Variants in OXNAD1 observed in about 807,000 individuals in gnomAD.
The protein encoded by OXNAD1 is oxidoreductase NAD-binding domain-containing protein 1.
OXNAD1 carries 34 observed loss-of-function variants against 32.9 expected under a neutral mutation model. The ratio of observed to expected loss-of-function variants is 1.03; its 90% CI spans 0.79 to 1.38. The LOEUF is 1.38. Ranked by LOEUF, OXNAD1 falls within the 40% of genes most tolerant of loss-of-function variation. OXNAD1 has a pLI of 0.00. For missense variants in OXNAD1, 407 were observed against 379.4 expected (o/e 1.07, Z -0.60); for synonymous variants, 134 against 135.2 (o/e 0.99, Z 0.06).
rs1390395522 is a variant in OXNAD1 at position 16,329,853 on chromosome 3, G to A, written c.*31-7259G>A. 6.6e-6 allele frequency among the ~76,000 whole-genome samples: 1 copy of A among 152,136 alleles called. No individual in the cohort carries two copies. The highest frequency in any genetic ancestry group is 1.5e-5 in the Non-Finnish European group (1 of 68,034). ...TTGGCGCCTCACAAAGCCCTGAGTGGCAGAATGGAGTCCTTTTATTGGTGG... is the reference window on the plus strand; with the variant it reads ...TTGGCGCCTCACAAAGCCCTGAGTGACAGAATGGAGTCCTTTTATTGGTGG... On this transcript the variant is annotated intron_variant, in intron 9 of 9. Transcript: ENST00000435829. This position sits in a 1 kb window ranked among gnomAD's most constrained non-coding sequence, Gnocchi z 4.5.
In OXNAD1 at chr3:16,271,288, C is replaced by A; in HGVS notation, c.119+217C>A. The A allele has an allele frequency of 1.7e-6, 1 of 581,042 alleles. No individual in the cohort carries two copies. Among genetic ancestry groups the A allele is most frequent in the Non-Finnish European group, 3.0e-6 (1 of 335,440 alleles). 36.0% of individuals were successfully genotyped at this position (581,042 alleles called of 1,614,324 possible). A position where few individuals can be genotyped will look rare whatever the true frequency, so the allele number is the denominator to read the frequency against. Reference sequence around the variant, plus strand: ...GCACGATCTTAGCTCACTGCAACCTCCACCTCCTGGATTCAAGTGATTCTC... The same window carrying A: ...GCACGATCTTAGCTCACTGCAACCTACACCTCCTGGATTCAAGTGATTCTC... On this transcript the variant is annotated intron_variant, in intron 3 of 8. Transcript: ENST00000285083. The surrounding 1 kb of genome is among the most constrained non-coding windows in gnomAD (Gnocchi z 4.6).
At chr3:16,292,087 T>C (rs1444804262) in intron 5 of OXNAD1, among the ~76,000 whole-genome samples, 1 of 152,172 alleles carries the variant, frequency 6.6e-6, no homozygotes, top group African/African-American at 2.4e-5. Context: ...GTCTCTTTAT[T>C]ACTGAGTTGT....
intron 6 of OXNAD1, among the ~76,000 whole-genome samples, chr3:16,295,624 CGTT>C (rs1389303737): frequency 1.3e-5 from 2 of 152,282 alleles, no homozygotes; most frequent in East Asian, 1.9e-4. Flanking sequence ...ATCAGTTACT[CGTT>C]GTCTTAGTTT....
downstream of OXNAD1, among the ~76,000 whole-genome samples, chr3:16,341,435 C>T (rs943726844): frequency 6.6e-6 from 1 of 152,110 alleles, no homozygotes; most frequent in African/African-American, 2.4e-5. The surrounding 1 kb of genome is among the most constrained non-coding windows in gnomAD (Gnocchi z 4.7). Context: ...AGAGAAACTG[C>T]AGTGGAACCA....
chr3:16,282,300 A>G (rs557914357), intron 4 of OXNAD1, among the ~76,000 whole-genome samples: 3 of 150,390 alleles, frequency 2.0e-5, no homozygotes, highest in Non-Finnish European at 4.4e-5. Context: ...CTCTCCCTGA[A>G]CTCTCCCATA....
chr3:16,351,821 A>G (rs1317143852), downstream of OXNAD1, among the ~76,000 whole-genome samples: 1 of 152,212 alleles, frequency 6.6e-6, no homozygotes, highest in African/African-American at 2.4e-5. This position sits in a 1 kb window ranked among gnomAD's most constrained non-coding sequence, Gnocchi z 5.4. Context: ...AAGAACAATC[A>G]CTAAAAAGTA....
At position 16,317,125 on chromosome 3, in the gene OXNAD1, GTTC is replaced by G. The variant is rs1559795642; in HGVS notation, c.*30+13538_*30+13540del. 1.2e-6 allele frequency: 2 copies of G among 1,613,806 alleles called. No homozygotes were observed. The highest frequency in any genetic ancestry group is 1.7e-6 in the Non-Finnish European group (2 of 1,179,976). On this transcript the variant is annotated intron_variant, in intron 9 of 9. Coordinates refer to the OXNAD1 transcript ENST00000435829. This position sits in a 1 kb window ranked among gnomAD's most constrained non-coding sequence, Gnocchi z 4.3. ...CAGCTTTGGAAGACTGGTCTTCTAA[GTTC>G]TTCTCATTTTCTTCTGCTTGTTGTT... is the stretch of plus-strand genomic sequence containing the variant.
Position 16,289,806 on chromosome 3 carries a change from T to G in OXNAD1, c.290+3358T>G, listed in dbSNP as rs532429667. Among the ~76,000 whole-genome samples, 3 of 152,356 alleles carry G rather than the reference T, an allele frequency of 2.0e-5. No homozygotes were observed. Among genetic ancestry groups the G allele is most frequent in the African/African-American group, 7.2e-5 (3 of 41,576 alleles). On this transcript the variant is annotated intron_variant, in intron 5 of 8. Transcript: ENST00000285083. The surrounding 1 kb of genome is among the most constrained non-coding windows in gnomAD (Gnocchi z 4.9). Reference sequence around the variant, plus strand: ...TTCCTGTACTCCTGGTAGAATTGACTCCTCCTTCCTCTGCCTTGCCTCGCT... The same window carrying G: ...TTCCTGTACTCCTGGTAGAATTGACGCCTCCTTCCTCTGCCTTGCCTCGCT...
Position 16,269,206 on chromosome 3 carries a change from A to G in OXNAD1, c.-78A>G, listed in dbSNP as rs1316768672. 2.6e-6 allele frequency: 4 copies of G among 1,533,832 alleles called. No individual in the cohort carries two copies. Among genetic ancestry groups the G allele is most frequent in the Non-Finnish European group, 3.5e-6 (4 of 1,146,278 alleles). On this transcript the variant is annotated 5_prime_UTR_variant, in exon 2 of 9. Transcript: ENST00000285083. Reference sequence around the variant, plus strand: ...CATCCAAAAGTCTCAGTGTAATAGCAGGACCAAAATATTCTGTCAATCAGC... The same window carrying G: ...CATCCAAAAGTCTCAGTGTAATAGCGGGACCAAAATATTCTGTCAATCAGC...
chr3:16,344,300 A>C lies in OXNAD1; in HGVS notation c.*31-4876A>C, dbSNP rs547174908. ...GAAGTCAGGGAAACCTACTCAAAAA[A>C]GAAAGTGGATTAGATCAGTAATTTT... On this transcript the variant is annotated intron_variant, in intron 9 of 9. Coordinates refer to the OXNAD1 transcript ENST00000606098. This position sits in a 1 kb window ranked among gnomAD's most constrained non-coding sequence, Gnocchi z 4.4. 6.6e-6 allele frequency among the ~76,000 whole-genome samples: 1 copy of C among 152,118 alleles called. No homozygotes were observed. The highest frequency in any genetic ancestry group is 1.9e-4 in the East Asian group (1 of 5,184).
Position 16,322,509 on chromosome 3 carries a change from T to C in OXNAD1, c.*31-14603T>C, listed in dbSNP as rs764877156. ...CCTGCCGAGAATGTGGCCTCAGCCA[T>C]CAAAGGTGCAGTGAGCTGAATCCAG... On this transcript the variant is annotated intron_variant, in intron 9 of 9. Transcript: ENST00000435829. The surrounding 1 kb of genome is among the most constrained non-coding windows in gnomAD (Gnocchi z 6.2). 6.6e-6 allele frequency among the ~76,000 whole-genome samples: 1 copy of C among 152,122 alleles called. No individual in the cohort carries two copies. The highest frequency in any genetic ancestry group is 1.5e-5 in the Non-Finnish European group (1 of 68,016).
Position 16,271,790 on chromosome 3 carries a change from T to C in OXNAD1, c.183+68T>C, listed in dbSNP as rs2064961961. On this transcript the variant is annotated intron_variant, in intron 4 of 8. Transcript: ENST00000285083. The surrounding 1 kb of genome is among the most constrained non-coding windows in gnomAD (Gnocchi z 4.6). ...TTTACATGTGGTTATGACTGGCTTATGGGTAAAGCATTAGATGAGTCTGGT... is the reference window on the plus strand; with the variant it reads ...TTTACATGTGGTTATGACTGGCTTACGGGTAAAGCATTAGATGAGTCTGGT... The C allele has an allele frequency of 1.1e-5, 15 of 1,353,924 alleles. No individual in the cohort carries two copies. The highest frequency in any genetic ancestry group is 1.5e-5 in the African/African-American group (1 of 67,726). The allele number at this position is 1,353,924 out of a possible 1,614,324, so 83.9% of individuals were successfully genotyped here. A position where few individuals can be genotyped will look rare whatever the true frequency, so the allele number is the denominator to read the frequency against.
rs1397722239 is a variant in OXNAD1, at chr3:16,284,203, G to A, written c.184-2139G>A. Among the ~76,000 whole-genome samples the A allele has an allele frequency of 1.3e-5, 2 of 152,170 alleles. No individual in the cohort carries two copies. The highest frequency in any genetic ancestry group is 2.9e-5 in the Non-Finnish European group (2 of 68,044). On this transcript the variant is annotated intron_variant, in intron 4 of 8. Coordinates refer to ENST00000285083, the MANE Select transcript of OXNAD1 (RefSeq NM_138381.5). This position sits in a 1 kb window ranked among gnomAD's most constrained non-coding sequence, Gnocchi z 4.1. ...GAGATGTTCAGTGCTCAGTCTTTAAGGCCCTGGTGCAAAAGCATTGGTATG... is the reference window on the plus strand; with the variant it reads ...GAGATGTTCAGTGCTCAGTCTTTAAAGCCCTGGTGCAAAAGCATTGGTATG...
Position 16,271,209 on chromosome 3 carries a change from G to T in OXNAD1, c.119+138G>T. 2.0e-6 allele frequency: 2 copies of T among 1,018,262 alleles called. No homozygotes were observed. Among genetic ancestry groups the T allele is most frequent in the Non-Finnish European group, 1.4e-6 (1 of 702,398 alleles). The allele number at this position is 1,018,262 out of a possible 1,614,324, so 63.1% of individuals were successfully genotyped here. The stretch of plus-strand genomic sequence containing the variant: ...TGTGCATGCTGTCAGGTTGTTAACC[G>T]TTTTTTTTGTCTGAGATGGAGTCTT... On this transcript the variant is annotated intron_variant, in intron 3 of 8. Transcript: ENST00000285083. This position sits in a 1 kb window ranked among gnomAD's most constrained non-coding sequence, Gnocchi z 4.6.
At chr3:16,341,723 TAATTA>T (rs555015471), downstream of OXNAD1, among the ~76,000 whole-genome samples, 4 of 152,300 alleles carry the variant, frequency 2.6e-5, no homozygotes, top group South Asian at 2.1e-4. The surrounding 1 kb of genome is among the most constrained non-coding windows in gnomAD (Gnocchi z 4.7). Context: ...AATGGAAAAC[TAATTA>T]AATAAATTAA....
At chr3:16,326,990 C>T (rs75175275) in intron 9 of OXNAD1, 12,138 of 727,948 alleles carry the variant, frequency 0.017, 449 homozygotes, top group East Asian at 0.11. Context: ...TGGCGGTGCC[C>T]GGCCACTCAG....
rs1464808717 is a variant in OXNAD1, at chr3:16,280,204, G to A, written c.184-6138G>A. ...CATGAGGTGGGAGATCCTAGAGCTC[G>A]TGTGTTCTGATGGGGAGGGTAGAGA... is the stretch of plus-strand genomic sequence containing the variant. On this transcript the variant is annotated intron_variant, in intron 4 of 8. Transcript: ENST00000285083. This position sits in a 1 kb window ranked among gnomAD's most constrained non-coding sequence, Gnocchi z 4.5. 1.3e-5 allele frequency among the ~76,000 whole-genome samples: 2 copies of A among 152,126 alleles called. No homozygotes were observed. The highest frequency in any genetic ancestry group is 4.8e-5 in the African/African-American group (2 of 41,412).
downstream of OXNAD1, among the ~76,000 whole-genome samples, chr3:16,309,832 C>T (rs1054979698): frequency 3.3e-5 from 5 of 152,200 alleles, no homozygotes; most frequent in Non-Finnish European, 5.9e-5. Context: ...TTTAAAATTG[C>T]TTTCAGCTTT....
rs149947597 is a variant in OXNAD1, at chr3:16,302,993, G to A, written c.784+245G>A. 3.2e-4 allele frequency among the ~76,000 whole-genome samples: 49 copies of A among 152,330 alleles called. No homozygotes were observed. Among genetic ancestry groups the A allele is most frequent in the African/African-American group, 1.1e-3 (47 of 41,564 alleles). ...TTTAAGAGGCCTTTGCATCATCACTGTAGTGTCCATACAAATAATTTATAT... is the reference window on the plus strand; with the variant it reads ...TTTAAGAGGCCTTTGCATCATCACTATAGTGTCCATACAAATAATTTATAT... On this transcript the variant is annotated intron_variant, in intron 8 of 8. Transcript: ENST00000285083. The surrounding 1 kb of genome is among the most constrained non-coding windows in gnomAD (Gnocchi z 4.2).
Sources: gnomAD v4.1 joint callset for allele counts (sites outside exome capture counted in the v4.1 genomes callset) on GRCh38, gnomAD v4.1.1 for gene constraint, Gnocchi (gnomAD v3.1) non-coding constraint, MANE v1.5 for transcripts, NCBI Gene and HGNC (gene_info 2026-07-23, HGNC 2026-07-21) for gene names.